Variants in NOX1 observed in about 807,000 individuals in gnomAD.
The protein encoded by NOX1 is NADPH oxidase 1, also known as NADH/NADPH mitogenic oxidase subunit P65-MOX.
A neutral mutation model predicts 42.5 loss-of-function variants in NOX1; 34 were observed. That is an observed-to-expected ratio of 0.80 (90% CI 0.61 to 1.07). The LOEUF is 1.07. Among genes scored for constraint, NOX1 ranks in the 50% least tolerant of loss-of-function variants. The probability of loss-of-function intolerance (pLI) is 0.00; values close to 1 mark genes in which losing one functional copy is unlikely to be tolerated. For synonymous variants in NOX1, 143 were observed against 152.5 expected, an observed-to-expected ratio of 0.94 and a Z score of 0.46; for missense variants, 408 against 427.0, an observed-to-expected ratio of 0.96 and a Z score of 0.39.
At chrX:100,871,853 C>G (rs1352084503) in intron 1 of NOX1, among the ~76,000 whole-genome samples, 2 of 111,943 alleles carry the variant, frequency 1.8e-5, no homozygotes, top group African/African-American at 6.5e-5. Context: ...CACTCACACA[C>G]CTTTAGTACT....
intron 1 of NOX1, 123 bp downstream of exon 1, chrX:100,873,972 G>T: frequency 2.2e-6 from 1 of 462,235 alleles, no homozygotes; most frequent in East Asian, 3.9e-5. Context: ...TTAACTAACT[G>T]GTCTTGATGA....
chrX:100,852,203 T>G (rs1050875887), intron 7 of NOX1, among the ~76,000 whole-genome samples: 2 of 112,271 alleles, frequency 1.8e-5, no homozygotes, highest in African/African-American at 6.5e-5. Context: ...GCGCAGTGGC[T>G]CACGCCTGTA....
chrX:100,843,366 TA>T lies in NOX1; in HGVS notation c.*585del. 1 of 1,128,460 alleles carries T rather than the reference TA, an allele frequency of 8.9e-7. No homozygotes were observed. The highest frequency in any genetic ancestry group is 1.8e-5 in the African/African-American group (1 of 54,204). The allele number at this position is 1,128,460 out of a possible 1,213,427, so 93.0% of individuals were successfully genotyped here. ...TCCTTTATTTTTTGATGAGCAAAAATAAGAATAAATTGCTGTTCACACTGGA... is the reference window on the plus strand; with the variant it reads ...TCCTTTATTTTTTGATGAGCAAAAATAGAATAAATTGCTGTTCACACTGGA... On this transcript the variant is annotated 3_prime_UTR_variant, in exon 13 of 13. Coordinates refer to ENST00000372966, the MANE Select transcript of NOX1 (RefSeq NM_007052.5).
Position 100,849,353 on chromosome X carries a change from T to C in NOX1, c.1370A>G (p.Gln457Arg), listed in dbSNP as rs1376407890. 1.7e-6 allele frequency: 2 copies of C among 1,209,555 alleles called. No homozygotes were observed. Among genetic ancestry groups the C allele is most frequent in the Non-Finnish European group, 2.2e-6 (2 of 894,543 alleles). The stretch of plus-strand genomic sequence containing the variant: ...CACTTTGCCTAATTCCTCCATCTCC[T>C]GTTCCAGGGAAGTCAACAGGTTGTT... ...WFNNLLTSLE[Q>R]EMEELGKVGF... The change falls in exon 11 of 13, where the codon CAG becomes CGG. Residue 457 changes from glutamine (Q) to arginine (R), a missense_variant. Gln to Arg is a conservative substitution (Grantham distance 43). Coordinates refer to ENST00000372966, the MANE Select transcript of NOX1 (RefSeq NM_007052.5).
At position 100,874,149 on chromosome X, in the gene NOX1, G is replaced by A. The variant is rs1195930033; in HGVS notation, c.-10C>T. 1.7e-6 allele frequency: 2 copies of A among 1,189,415 alleles called. No homozygotes were observed. The highest frequency in any genetic ancestry group is 1.8e-5 in the South Asian group (1 of 55,374). Reference sequence around the variant, plus strand: ...CCACCCAGTTTCCCATTGTCAAGAGGTGGTTTGGAGCCCTTCTAGGCAACA... The same window carrying A: ...CCACCCAGTTTCCCATTGTCAAGAGATGGTTTGGAGCCCTTCTAGGCAACA... On this transcript the variant is annotated 5_prime_UTR_variant, in exon 1 of 13. Transcript: ENST00000372966.
intron 7 of NOX1, chrX:100,855,537 C>A: frequency 1.3e-6 from 1 of 753,370 alleles, no homozygotes; most frequent in Non-Finnish European, 2.1e-6. Flanking sequence ...TCCCTTGTTA[C>A]AGCTGTCATA....
intron 2 of NOX1, among the ~76,000 whole-genome samples, chrX:100,867,835 GGAAA>G (rs1463047074): frequency 5.0e-5 from 5 of 100,694 alleles, no homozygotes; most frequent in Non-Finnish European, 1.0e-4. Context: ...AAGGAAGGAA[GGAAA>G]GAAAGAGAGA....
chrX:100,866,171 G>A (rs774674849), intron 2 of NOX1, among the ~76,000 whole-genome samples: 176 of 107,162 alleles, frequency 1.6e-3, no homozygotes, highest in Non-Finnish European at 2.4e-3. Context: ...GCAGTGAGCA[G>A]AGATTGCGCC....
intron 1 of NOX1, among the ~76,000 whole-genome samples, chrX:100,871,538 G>GT (rs1333733732): frequency 8.9e-6 from 1 of 112,249 alleles, no homozygotes; most frequent in Non-Finnish European, 1.9e-5. Context: ...CAGATTGTGA[G>GT]TCTTTTTTCA....
At chrX:100,851,019 T>A (rs1026768913) in intron 8 of NOX1, among the ~76,000 whole-genome samples, 1 of 110,349 alleles carries the variant, frequency 9.1e-6, no homozygotes, top group Non-Finnish European at 1.9e-5. Context: ...TTTTTTTTTT[T>A]ATTAGAGATG....
intron 7 of NOX1, among the ~76,000 whole-genome samples, chrX:100,853,290 CTT>C (rs1420186101): frequency 1.4e-3 from 83 of 57,575 alleles, no homozygotes; most frequent in African/African-American, 4.9e-3. Context: ...TTCTTTCTTT[CTT>C]TCTTTCTTTC....
chrX:100,847,814 T>C (rs756847959), intron 12 of NOX1, among the ~76,000 whole-genome samples: 2 of 107,754 alleles, frequency 1.9e-5, no homozygotes, highest in East Asian at 2.9e-4. Context: ...TAGCATTGAA[T>C]TGATCATCAC....
In NOX1 at chrX:100,862,505, A is replaced by G; in HGVS notation, c.558T>C (p.Ile186=). ...ACTCAGTAGCTGAAGTTACCATGAG[A>G]ATCAAGGCTATTGTCATGATCACTC... ...LTGVIMTIAL[I]LMVTSATEFI... is the part of the protein sequence containing the mutation. Residue 186 remains isoleucine, a synonymous_variant, in exon 6 of 13, where the codon ATT becomes ATC. Transcript: ENST00000372966. 1.7e-6 allele frequency: 2 copies of G among 1,210,125 alleles called. No homozygotes were observed. The highest frequency in any genetic ancestry group is 3.5e-5 in the South Asian group (2 of 56,942).
chrX:100,874,127 C>T lies in NOX1; in HGVS notation c.13G>A (p.Val5Met). The T allele has an allele frequency of 8.3e-7, 1 of 1,203,588 alleles. No individual in the cohort carries two copies. The highest frequency in any genetic ancestry group is 1.8e-5 in the South Asian group (1 of 56,063). Reference sequence around the variant, plus strand: ...AAAACTGAAAACCAGTGGTTAACCACCCAGTTTCCCATTGTCAAGAGGTGG... The same window carrying T: ...AAAACTGAAAACCAGTGGTTAACCATCCAGTTTCCCATTGTCAAGAGGTGG... MGNW[V>M]VNHWFSVLFL... Residue 5 changes from valine (V) to methionine (M), a missense_variant, in exon 1 of 13, where the codon GTG (valine) becomes ATG (methionine). Coordinates refer to ENST00000372966, the MANE Select transcript of NOX1 (RefSeq NM_007052.5).
chrX:100,849,851 C>T lies in NOX1; in HGVS notation c.1217G>A (p.Gly406Glu). The change falls in exon 10 of 13, where the codon GGG becomes GAG. Residue 406 changes from glycine (G) to glutamate (E), a missense_variant. Gly to Glu is a moderately conservative substitution (Grantham distance 98). Transcript: ENST00000372966. ...EVAVLVGAGI[G>E]VTPFASILKS... ...CAAGATAGAAGCAAAGGGGGTGACC[C>T]CAATTCCTGCTCCAACCAGCACAGC... 1 of 1,210,964 alleles carries T rather than the reference C, an allele frequency of 8.3e-7. No individual in the cohort carries two copies. The highest frequency in any genetic ancestry group is 1.1e-6 in the Non-Finnish European group (1 of 894,872).
chrX:100,852,834 G>T (rs755241286), intron 7 of NOX1, among the ~76,000 whole-genome samples: 8 of 112,327 alleles, frequency 7.1e-5, no homozygotes, highest in African/African-American at 2.6e-4. Flanking sequence ...AAAAATATTG[G>T]CCTCAGAAAT....
At chrX:100,857,689 GTTTC>G (rs1023539487) in intron 7 of NOX1, among the ~76,000 whole-genome samples, 1 of 93,207 alleles carries the variant, frequency 1.1e-5, no homozygotes, top group Admixed American at 1.2e-4. Flanking sequence ...TTTGAAAAGT[GTTTC>G]TTTATGTCCT....
rs1381494292 is a variant in NOX1, at chrX:100,850,255, G to T, written c.1029C>A (p.Thr343=). The change falls in exon 9 of 13, where the codon ACC becomes ACA. Residue 343 remains threonine (T), a synonymous_variant. Transcript: ENST00000372966. ...AGAAGAAATCTTCCTCTGGAGCAGAGGTCAAAGTAAAAGGATGCCATTCCA... is the reference window on the plus strand; with the variant it reads ...AGAAGAAATCTTCCTCTGGAGCAGATGTCAAAGTAAAAGGATGCCATTCCA... ...SLLEWHPFTL[T]SAPEEDFFSI... The T allele has an allele frequency of 2.5e-6, 3 of 1,210,637 alleles. No homozygotes were observed. Among genetic ancestry groups the T allele is most frequent in the Admixed American group, 2.2e-5 (1 of 46,010 alleles).
At chrX:100,857,496 C>T (rs1386740239) in intron 7 of NOX1, among the ~76,000 whole-genome samples, 2 of 112,195 alleles carry the variant, frequency 1.8e-5, no homozygotes, top group African/African-American at 3.2e-5. Flanking sequence ...TTTCCACCAG[C>T]ACTGTATAAG....
Sources: allele counts gnomAD v4.1 joint callset (sites outside exome capture counted in the v4.1 genomes callset), GRCh38; gene constraint gnomAD v4.1.1; transcripts MANE v1.5; gene names NCBI Gene and HGNC (gene_info 2026-07-23, HGNC 2026-07-21).